The following GFI1B variants were observed in gnomAD, a reference collection of about 807,000 sequenced individuals.
The protein encoded by GFI1B is growth factor independent 1B transcriptional repressor.
GFI1B carries 20 observed loss-of-function variants against 35.3 expected under a neutral mutation model. That is an observed-to-expected ratio of 0.57 (90% CI 0.40 to 0.82). GFI1B has a LOEUF of 0.82. GFI1B is among the 40% of genes least tolerant of loss of function. The pLI is 0.00. For missense variants in GFI1B, 430 were observed against 446.3 expected, an observed-to-expected ratio of 0.96 and a Z score of 0.33; for synonymous variants, 178 against 177.6, an observed-to-expected ratio of 1.00 and a Z score of -0.02.
chr9:132,973,374 C>A (rs1314731263), intron 2 of GFI1B, among the ~76,000 whole-genome samples: 1 of 152,234 alleles, frequency 6.6e-6, no homozygotes, highest in Non-Finnish European at 1.5e-5. Context: ...AGTGGTGGTT[C>A]CCATGTATTC....
At chr9:132,987,550 G>A in intron 3 of GFI1B, 131 bp downstream of exon 3, 1 of 1,024,318 alleles carries the variant, frequency 9.8e-7, no homozygotes, top group Non-Finnish European at 1.5e-6. Context: ...ATGCAGCCCG[G>A]GCTCTGTGGC....
At chr9:132,958,158 G>T (rs1285617640) in intron 1 of GFI1B, among the ~76,000 whole-genome samples, 1 of 152,078 alleles carries the variant, frequency 6.6e-6, no homozygotes, top group Non-Finnish European at 1.5e-5. Context: ...AGAGAATGGG[G>T]CCAGGCCAGA....
chr9:132,984,316 G>T (rs952220850), intron 1 of GFI1B, among the ~76,000 whole-genome samples: 3 of 152,114 alleles, frequency 2.0e-5, no homozygotes, highest in Non-Finnish European at 2.9e-5. Context: ...AGGAAGGGGG[G>T]TGTGGGGAGC....
chr9:132,983,697 C>T (rs112701510), intron 1 of GFI1B, among the ~76,000 whole-genome samples: 1,869 of 152,304 alleles, frequency 0.012, 39 homozygotes, highest in African/African-American at 0.042. Context: ...GAAGACACTG[C>T]TTGACACGGG....
chr9:132,950,581 C>T (rs1434342738), intron 1 of GFI1B, among the ~76,000 whole-genome samples: 8 of 100,398 alleles, frequency 8.0e-5, no homozygotes, highest in African/African-American at 3.6e-4. Context: ...TTTTTTGAGA[C>T]GGAGTCTCAC....
upstream of GFI1B, among the ~76,000 whole-genome samples, chr9:132,977,000 C>T (rs150989522): frequency 3.5e-3 from 539 of 152,282 alleles, no homozygotes; most frequent in Middle Eastern, 6.8e-3. Context: ...TCTTGTTGCC[C>T]AGGCTGAAGT....
intron 1 of GFI1B, chr9:132,945,783 C>A (rs1040221584): frequency 6.5e-6 from 1 of 153,868 alleles, no homozygotes; most frequent in East Asian, 1.9e-4. Flanking sequence ...TAGAACCAGG[C>A]GAGGCGGCTC....
At chr9:132,965,026 A>G (rs1848429166) in intron 1 of GFI1B, among the ~76,000 whole-genome samples, 1 of 152,100 alleles carries the variant, frequency 6.6e-6, no homozygotes, top group Non-Finnish European at 1.5e-5. Context: ...ATAATTTACT[A>G]TGGCCCCCAT....
At chr9:132,966,597 T>C (rs1287272796) in intron 1 of GFI1B, among the ~76,000 whole-genome samples, 2 of 152,270 alleles carry the variant, frequency 1.3e-5, no homozygotes, top group Admixed American at 1.3e-4. Context: ...AGTGATGTAA[T>C]TGATTATAGC....
At chr9:132,983,582 G>C (rs1848914455) in intron 1 of GFI1B, among the ~76,000 whole-genome samples, 1 of 152,224 alleles carries the variant, frequency 6.6e-6, no homozygotes, top group Non-Finnish European at 1.5e-5. Context: ...ACCTCTGACA[G>C]TGCTGGGTGG....
At chr9:132,964,658 C>T (rs924489272) in intron 1 of GFI1B, among the ~76,000 whole-genome samples, 2 of 151,972 alleles carry the variant, frequency 1.3e-5, no homozygotes, top group African/African-American at 4.8e-5. Flanking sequence ...ATCTGCCCAG[C>T]AACTGCCTGT....
intron 1 of GFI1B, among the ~76,000 whole-genome samples, chr9:132,979,724 GA>G (rs929496437): frequency 1.3e-5 from 2 of 151,812 alleles, no homozygotes; most frequent in Non-Finnish European, 2.9e-5. Flanking sequence ...TATTTTTGGA[GA>G]AAAAAAACCA....
At chr9:132,947,868 A>G (rs1848145228) in intron 1 of GFI1B, among the ~76,000 whole-genome samples, 1 of 151,756 alleles carries the variant, frequency 6.6e-6, no homozygotes, top group African/African-American at 2.4e-5. Context: ...GAAGTGAGGT[A>G]CAGAAACAGT....
chr9:132,946,044 T>C (rs528245351), intron 1 of GFI1B, among the ~76,000 whole-genome samples: 1 of 152,170 alleles, frequency 6.6e-6, no homozygotes, highest in East Asian at 1.9e-4. Flanking sequence ...TGGTGAGAAT[T>C]AGAAAAATGG....
chr9:132,979,359 C>T (rs1272815128), intron 1 of GFI1B, among the ~76,000 whole-genome samples: 1 of 151,138 alleles, frequency 6.6e-6, no homozygotes, highest in African/African-American at 2.4e-5. Flanking sequence ...CCTGCCTCAG[C>T]CTCCCAAGTA....
chr9:132,984,762 A>C (rs929611340), intron 1 of GFI1B, among the ~76,000 whole-genome samples: 1 of 152,126 alleles, frequency 6.6e-6, no homozygotes, highest in Non-Finnish European at 1.5e-5. Context: ...GCTGGGCCTG[A>C]GCTTGGCCCC....
chr9:132,986,908 G>A, intron 2 of GFI1B, 130 bp downstream of exon 2: 1 of 676,672 alleles, frequency 1.5e-6, no homozygotes, highest in Non-Finnish European at 2.7e-6. Context: ...TGCAGTAACT[G>A]TGGGTTGCAG....
At position 132,989,019 on chromosome 9, in the gene GFI1B, A is replaced by T. The variant is rs779694038; in HGVS notation, c.511-42A>T. The T allele has an allele frequency of 6.2e-7, 1 of 1,606,246 alleles. No individual in the cohort carries two copies. The highest frequency in any genetic ancestry group is 1.1e-5 in the South Asian group (1 of 90,828). ...ATGGGACCCCAGGCCTGTCCCTGTC[A>T]CCGCAGCCCCCAGTGGCCTCACATG... On this transcript the variant is annotated intron_variant, in intron 4 of 6. Transcript: ENST00000372122. This position sits in a 1 kb window ranked among gnomAD's most constrained non-coding sequence, Gnocchi z 6.2.
chr9:132,969,634 T>A (rs2132607674), intron 1 of GFI1B, among the ~76,000 whole-genome samples: 1 of 152,342 alleles, frequency 6.6e-6, no homozygotes, highest in East Asian at 1.9e-4. Context: ...TTCAGTGCGT[T>A]TGGGTCTATA....
Sources: allele counts gnomAD v4.1 joint callset (sites outside exome capture counted in the v4.1 genomes callset), GRCh38; gene constraint gnomAD v4.1.1; non-coding constraint Gnocchi (gnomAD v3.1); transcripts MANE v1.5; gene names NCBI Gene and HGNC (gene_info 2026-07-23, HGNC 2026-07-21).